The following MB21D2 variants were observed in gnomAD, a reference collection of about 807,000 sequenced individuals.
MB21D2 encodes Mab-21 domain containing 2.
A neutral mutation model predicts 33.3 loss-of-function variants in MB21D2; 9 were observed. The ratio of observed to expected loss-of-function variants is 0.27; its 90% CI spans 0.16 to 0.47. The LOEUF (loss-of-function observed/expected upper bound fraction) is 0.47, where lower values mean the gene tolerates loss of function less well. Ranked by LOEUF, MB21D2 falls within the 20% of genes least tolerant of loss-of-function variation. The pLI, the probability that MB21D2 is intolerant of heterozygous loss-of-function variation, is 0.99. For missense variants in MB21D2, 540 were observed against 624.6 expected (o/e 0.86, Z 1.44); for synonymous variants, 241 against 236.3 (o/e 1.02, Z -0.18).
intron 1 of MB21D2, among the ~76,000 whole-genome samples, chr3:192,890,138 T>C (rs1389465858): frequency 6.6e-6 from 1 of 152,070 alleles, no homozygotes; most frequent in Non-Finnish European, 1.5e-5. Flanking sequence ...TCTGGAAAAA[T>C]ATCTCCTTGC....
At position 192,799,581 on chromosome 3, in the gene MB21D2, C is replaced by T. The variant is rs778741270; in HGVS notation, c.281G>A (p.Arg94Gln). The T allele has an allele frequency of 6.8e-6, 11 of 1,614,036 alleles. No individual in the cohort carries two copies. Among genetic ancestry groups the T allele is most frequent in the East Asian group, 2.2e-5 (1 of 44,888 alleles). The change falls in exon 2 of 2, where the codon CGG becomes CAG. Residue 94 changes from arginine to glutamine, a missense_variant. Coordinates refer to ENST00000392452, the MANE Select transcript of MB21D2 (RefSeq NM_178496.4). The surrounding 1 kb of genome is among the most constrained non-coding windows in gnomAD (Gnocchi z 4.1). ...TAAGTCCAGGTCCACCACGCCTTCC[C>T]GGACACCTCCAGAGAGCAACAGGTA... Reference protein sequence around the residue: ...NEYLLLSGGVREGVVDLDLDE... With the variant: ...NEYLLLSGGVQEGVVDLDLDE...
chr3:192,874,030 A>C (rs1035023828), intron 1 of MB21D2, among the ~76,000 whole-genome samples: 2 of 152,186 alleles, frequency 1.3e-5, no homozygotes, highest in African/African-American at 2.4e-5. Flanking sequence ...TAGCACACTG[A>C]AAGTACTTTT....
intron 1 of MB21D2, among the ~76,000 whole-genome samples, chr3:192,882,029 CG>C (rs1713607320): frequency 6.6e-6 from 1 of 152,084 alleles, no homozygotes; most frequent in Non-Finnish European, 1.5e-5. Flanking sequence ...CTTTATAGGA[CG>C]GAATAGCCTC....
At chr3:192,808,150 G>C (rs531981460) in intron 1 of MB21D2, among the ~76,000 whole-genome samples, 11 of 152,202 alleles carry the variant, frequency 7.2e-5, no homozygotes, top group Middle Eastern at 6.8e-3. Context: ...ACAAATCATT[G>C]GTCAAAACTA....
chr3:192,810,910 T>C (rs1418188000), intron 1 of MB21D2, among the ~76,000 whole-genome samples: 1 of 152,232 alleles, frequency 6.6e-6, no homozygotes, highest in Non-Finnish European at 1.5e-5. Flanking sequence ...CGCACGCACA[T>C]GTGCGTATGA....
chr3:192,882,500 T>C (rs1350466761), intron 1 of MB21D2, among the ~76,000 whole-genome samples: 1 of 152,160 alleles, frequency 6.6e-6, no homozygotes, highest in Non-Finnish European at 1.5e-5. Flanking sequence ...CAGCATGTCC[T>C]TTCAATGCCA....
chr3:192,901,115 A>C (rs1714090992), intron 1 of MB21D2, among the ~76,000 whole-genome samples: 1 of 152,116 alleles, frequency 6.6e-6, no homozygotes, highest in South Asian at 2.1e-4. Context: ...GGATGGAGCC[A>C]GGGTTGGTTG....
At chr3:192,835,689 A>C (rs1266828848) in intron 1 of MB21D2, among the ~76,000 whole-genome samples, 1 of 152,074 alleles carries the variant, frequency 6.6e-6, no homozygotes, top group Non-Finnish European at 1.5e-5. Context: ...TAAACTAAAA[A>C]ATTTAGATGA....
chr3:192,884,196 T>C (rs140007868), intron 1 of MB21D2, among the ~76,000 whole-genome samples: 73 of 152,250 alleles, frequency 4.8e-4, no homozygotes, highest in Non-Finnish European at 9.0e-4. Flanking sequence ...ATTTCCTTCA[T>C]TACTATTGTT....
In MB21D2 at chr3:192,799,268, T is replaced by C. The variant is rs775780948; in HGVS notation, c.594A>G (p.Glu198=). The change falls in exon 2 of 2, where the codon GAA becomes GAG. Residue 198 remains glutamate (E), a synonymous_variant. Transcript: ENST00000392452. The surrounding 1 kb of genome is among the most constrained non-coding windows in gnomAD (Gnocchi z 4.1). ...TCCCTCGCTGGGGTTTCTTCTGTAT[T>C]TCTGATAGGACAATGCTGATAGAGT... ...FYDSISIVLS[E]IQKKPQRGMP... 4.3e-6 allele frequency: 7 copies of C among 1,614,140 alleles called. No individual in the cohort carries two copies. In the Admixed American group the frequency reaches 6.7e-5, roughly 15 times the overall value.
intron 1 of MB21D2, among the ~76,000 whole-genome samples, chr3:192,826,954 G>C (rs536127464): frequency 1.3e-5 from 2 of 151,510 alleles, no homozygotes; most frequent in South Asian, 4.2e-4. Context: ...TGCAGTGGTG[G>C]AATCTCAGCT....
rs1295545302 is a variant in MB21D2, at chr3:192,835,332, T to C, written c.212-35682A>G. Among the ~76,000 whole-genome samples the C allele has an allele frequency of 3.3e-5, 5 of 150,432 alleles. No homozygotes were observed. In the East Asian group the frequency reaches 1.0e-3, roughly 30 times the overall value. On this transcript the variant is annotated intron_variant, in intron 1 of 1. Coordinates refer to ENST00000392452, the MANE Select transcript of MB21D2 (RefSeq NM_178496.4). ...TTAGCTGGGTGTGGTGGCGGGCACCTGTAGTCCCAGCTACTCGGGAGGTTG... is the reference window on the plus strand; with the variant it reads ...TTAGCTGGGTGTGGTGGCGGGCACCCGTAGTCCCAGCTACTCGGGAGGTTG...
chr3:192,856,719 A>AT (rs1201578849), intron 1 of MB21D2, among the ~76,000 whole-genome samples: 1 of 151,966 alleles, frequency 6.6e-6, no homozygotes, highest in Non-Finnish European at 1.5e-5. Context: ...AGCCCAGCTA[A>AT]TTTTTTTATT....
chr3:192,807,258 A>T (rs1711683558), intron 1 of MB21D2, among the ~76,000 whole-genome samples: 1 of 151,990 alleles, frequency 6.6e-6, no homozygotes, highest in Non-Finnish European at 1.5e-5. Flanking sequence ...TCCCAAAGTC[A>T]CAATAGGGTA....
intron 1 of MB21D2, among the ~76,000 whole-genome samples, chr3:192,907,528 A>C (rs1577203844): frequency 1.3e-5 from 2 of 152,164 alleles, no homozygotes; most frequent in African/African-American, 4.8e-5. Flanking sequence ...CTTGATCTCC[A>C]ACCGATTCTG....
At chr3:192,887,319 G>C (rs1266331616) in intron 1 of MB21D2, among the ~76,000 whole-genome samples, 1 of 152,050 alleles carries the variant, frequency 6.6e-6, no homozygotes, top group Non-Finnish European at 1.5e-5. Context: ...AACTTTTCTT[G>C]AAGAGTGAAA....
At chr3:192,871,304 G>A (rs78132095) in intron 1 of MB21D2, among the ~76,000 whole-genome samples, 2,387 of 152,224 alleles carry the variant, frequency 0.016, 59 homozygotes, top group African/African-American at 0.054. Flanking sequence ...GAAAAATGAC[G>A]GTTATTTAGG....
chr3:192,810,623 C>T (rs1316046831), intron 1 of MB21D2, among the ~76,000 whole-genome samples: 5 of 152,124 alleles, frequency 3.3e-5, no homozygotes, highest in African/African-American at 1.2e-4. Context: ...AATAAATTCC[C>T]ATGTATCCAT....
At chr3:192,897,321 T>TCTTTGTCTCCTGAC (rs1412244680) in intron 1 of MB21D2, among the ~76,000 whole-genome samples, 4 of 152,290 alleles carry the variant, frequency 2.6e-5, no homozygotes, top group Non-Finnish European at 5.9e-5. Flanking sequence ...GACCCAGGTT[T>TCTTTGTCTCCTGAC]CCTGACTCCT....
Sources: allele counts gnomAD v4.1 joint callset (sites outside exome capture counted in the v4.1 genomes callset), GRCh38; gene constraint gnomAD v4.1.1; non-coding constraint Gnocchi (gnomAD v3.1); transcripts MANE v1.5; gene names NCBI Gene and HGNC (gene_info 2026-07-23, HGNC 2026-07-21).